Variants in TMEM135 observed in about 807,000 individuals in gnomAD.
TMEM135 encodes transmembrane protein 135.
Under a neutral mutation model 60.3 loss-of-function variants are expected in TMEM135, and 30 were observed. The ratio of observed to expected loss-of-function variants is 0.50; its 90% CI spans 0.37 to 0.68. The LOEUF (loss-of-function observed/expected upper bound fraction) is 0.68. Among genes scored for constraint, TMEM135 ranks in the 30% least tolerant of loss-of-function variants. TMEM135 has a pLI of 0.00. For synonymous variants in TMEM135, 190 were observed against 186.7 expected (o/e 1.02, Z -0.14); for missense variants, 468 against 548.8 (o/e 0.85, Z 1.47).
rs377653857 is a variant in TMEM135, at chr11:87,178,377, T to G, written c.462+20971T>G. The stretch of plus-strand genomic sequence containing the variant: ...CTAAACTCTCTTTTTCTGAAAATTT[T>G]ATATACATGTAATTATACAATATAT... On this transcript the variant is annotated intron_variant, in intron 5 of 14. Transcript: ENST00000305494. 8.1e-4 allele frequency: 369 copies of G among 455,224 alleles called. 5 individuals are homozygous for G. Among genetic ancestry groups the G allele is most frequent in the African/African-American group, 6.6e-3 (332 of 50,006 alleles). 28.2% of individuals were successfully genotyped at this position (455,224 alleles called of 1,614,324 possible).
At chr11:87,203,171 C>T (rs1940159193) in intron 5 of TMEM135, among the ~76,000 whole-genome samples, 1 of 151,778 alleles carries the variant, frequency 6.6e-6, no homozygotes, top group Non-Finnish European at 1.5e-5. Flanking sequence ...CCAGACTGGA[C>T]ACTTGTTACA....
Position 87,085,294 on chromosome 11 carries a change from T to A in TMEM135, c.363-6068T>A, listed in dbSNP as rs554976136. ...CAGCAAAAGCTGTTAAGGAGGTGAT[T>A]TGGGGAAAGATAAATTGAAATTTTG... On this transcript the variant is annotated intron_variant, in intron 3 of 14. Coordinates refer to ENST00000305494, the MANE Select transcript of TMEM135 (RefSeq NM_022918.4). 1.4e-4 allele frequency among the ~76,000 whole-genome samples: 21 copies of A among 152,226 alleles called. No homozygotes were observed. In the South Asian group the frequency reaches 2.5e-3, roughly 18 times the overall value.
chr11:87,158,279 T>A (rs1263225544), intron 5 of TMEM135, among the ~76,000 whole-genome samples: 1 of 152,146 alleles, frequency 6.6e-6, no homozygotes, highest in Non-Finnish European at 1.5e-5. Flanking sequence ...GTAATATTTA[T>A]AATTCAGAAA....
intron 5 of TMEM135, among the ~76,000 whole-genome samples, chr11:87,161,905 C>T (rs375057735): frequency 6.6e-6 from 1 of 152,094 alleles, no homozygotes; most frequent in Non-Finnish European, 1.5e-5. Context: ...TTGAACAGTT[C>T]TATATTCCTG....
chr11:87,326,598 A>C lies in TMEM135; in HGVS notation c.*5265A>C, dbSNP rs1045570821. ...AGACTATAAACATATTTTAAGCCTT[A>C]TCTCTTTTCTCCTATTCTTTTCTTT... On this transcript the variant is annotated 3_prime_UTR_variant, in exon 15 of 15. Coordinates refer to ENST00000305494, the MANE Select transcript of TMEM135 (RefSeq NM_022918.4). 4.6e-5 allele frequency: 21 copies of C among 453,878 alleles called. No homozygotes were observed. The highest frequency in any genetic ancestry group is 4.2e-4 in the African/African-American group (21 of 49,972). 28.1% of individuals were successfully genotyped at this position (453,878 alleles called of 1,614,324 possible).
chr11:87,189,449 C>A (rs906948711), intron 5 of TMEM135, among the ~76,000 whole-genome samples: 1 of 152,136 alleles, frequency 6.6e-6, no homozygotes, highest in African/African-American at 2.4e-5. Flanking sequence ...GCGTGAGCCA[C>A]CGTGCCCAGC....
At chr11:87,054,755 G>T (rs964758512) in intron 1 of TMEM135, among the ~76,000 whole-genome samples, 1 of 152,072 alleles carries the variant, frequency 6.6e-6, no homozygotes, top group South Asian at 2.1e-4. Context: ...ATTCTGATTA[G>T]ATTCGATTTT....
intron 1 of TMEM135, among the ~76,000 whole-genome samples, chr11:87,038,433 G>A (rs971438710): frequency 2.6e-5 from 4 of 152,062 alleles, no homozygotes; most frequent in African/African-American, 4.8e-5. Flanking sequence ...CCTGTTGCTA[G>A]GAAGAGGATG....
At chr11:87,258,511 C>T (rs142273519) in intron 6 of TMEM135, among the ~76,000 whole-genome samples, 1 of 152,172 alleles carries the variant, frequency 6.6e-6, no homozygotes, top group Non-Finnish European at 1.5e-5. Context: ...TGGTCAGGGG[C>T]ACATCCCTCC....
At position 87,244,327 on chromosome 11, in the gene TMEM135, C is replaced by T. The variant is rs1390701552; in HGVS notation, c.509+7643C>T. ...CTAAAATTCTCTTTTTTGGTTGTGT[C>T]TCTGCCCGGCTTTGGTATCAGGATG... is the stretch of plus-strand genomic sequence containing the variant. On this transcript the variant is annotated intron_variant, in intron 6 of 14. Coordinates refer to ENST00000305494, the MANE Select transcript of TMEM135 (RefSeq NM_022918.4). Among the ~76,000 whole-genome samples the T allele has an allele frequency of 1.8e-4, 13 of 70,656 alleles. 5 individuals are homozygous for T. The highest frequency in any genetic ancestry group is 7.2e-4 in the Admixed American group (6 of 8,310). The allele number at this position is 70,656 out of a possible 152,430, so 46.4% of individuals were successfully genotyped here.
intron 6 of TMEM135, among the ~76,000 whole-genome samples, chr11:87,295,008 C>G (rs1942325070): frequency 6.6e-6 from 1 of 152,138 alleles, no homozygotes. Context: ...ACAATCCCCT[C>G]CAGCCCCCAA....
At chr11:87,313,662 G>T (rs1209939024) in intron 11 of TMEM135, among the ~76,000 whole-genome samples, 174 bp downstream of exon 11, 2 of 151,756 alleles carry the variant, frequency 1.3e-5, no homozygotes, top group African/African-American at 4.8e-5. Flanking sequence ...TCAAGGCACT[G>T]TTGCCATCTG....
chr11:87,305,871 G>A (rs1166965197), intron 8 of TMEM135, 65 bp from the exon 9 acceptor site: 14 of 1,170,880 alleles, frequency 1.2e-5, no homozygotes, highest in Middle Eastern at 4.8e-4. Context: ...CCACAAACAT[G>A]TACAAACACA....
Position 87,110,646 on chromosome 11 carries a change from A to G in TMEM135, c.396+19251A>G, listed in dbSNP as rs571642213. Reference sequence around the variant, plus strand: ...ATTAAACCTAGCATTTCTACACAGTAATAATGGATTATTCCACTAGGTAAG... The same window carrying G: ...ATTAAACCTAGCATTTCTACACAGTGATAATGGATTATTCCACTAGGTAAG... On this transcript the variant is annotated intron_variant, in intron 4 of 14. Transcript: ENST00000305494. Among the ~76,000 whole-genome samples the G allele has an allele frequency of 1.8e-3, 271 of 152,318 alleles. 3 individuals are homozygous for G. The highest frequency in any genetic ancestry group is 6.1e-3 in the African/African-American group (254 of 41,562).
At chr11:87,253,318 G>C (rs1941458194) in intron 6 of TMEM135, among the ~76,000 whole-genome samples, 1 of 152,048 alleles carries the variant, frequency 6.6e-6, no homozygotes, top group Admixed American at 6.5e-5. Context: ...CCTAAAATGC[G>C]ACCCCTAAGG....
intron 6 of TMEM135, among the ~76,000 whole-genome samples, chr11:87,248,705 A>G (rs575543651): frequency 6.6e-6 from 1 of 152,196 alleles, no homozygotes; most frequent in Non-Finnish European, 1.5e-5. Context: ...TGCTTTGGGT[A>G]GTGTGGACAT....
Position 87,289,437 on chromosome 11 carries a change from CTTTTTTTTTT to C in TMEM135, c.510-6325_510-6316del, listed in dbSNP as rs376999371. On this transcript the variant is annotated intron_variant, in intron 6 of 14. Coordinates refer to ENST00000305494, the MANE Select transcript of TMEM135 (RefSeq NM_022918.4). ...TATCCTTTAACAAATATCTCCATAT[CTTTTTTTTTT>C]TTTTTTTTTTTTTTTTTTTGAGATG... 2.5e-4 allele frequency among the ~76,000 whole-genome samples: 22 copies of C among 87,612 alleles called. 1 individual carries two copies. The highest frequency in any genetic ancestry group is 1.9e-3 in the South Asian group (4 of 2,114). 57.5% of individuals were successfully genotyped at this position (87,612 alleles called of 152,430 possible). A position where few individuals can be genotyped will look rare whatever the true frequency, so the allele number is the denominator to read the frequency against.
intron 5 of TMEM135, among the ~76,000 whole-genome samples, chr11:87,206,879 T>C (rs1172395284): frequency 1.3e-5 from 2 of 152,156 alleles, no homozygotes; most frequent in Non-Finnish European, 2.9e-5. Flanking sequence ...ATTTTTAACA[T>C]GTATTTTAAG....
chr11:87,288,975 G>A (rs1448568354), intron 6 of TMEM135, among the ~76,000 whole-genome samples: 1 of 152,098 alleles, frequency 6.6e-6, no homozygotes, highest in East Asian at 1.9e-4. Context: ...TGAGGAGGAA[G>A]AAGTAATAAA....
Sources: gnomAD v4.1 joint callset for allele counts (sites outside exome capture counted in the v4.1 genomes callset) on GRCh38, gnomAD v4.1.1 for gene constraint, MANE v1.5 for transcripts, NCBI Gene and HGNC (gene_info 2026-07-23, HGNC 2026-07-21) for gene names.